MAML2: variants seen among roughly 807,000 people sequenced by gnomAD.
MAML2 encodes mastermind like transcriptional coactivator 2, also known as mastermind-like protein 2.
Under a neutral mutation model 96.1 loss-of-function variants are expected in MAML2, and 22 were observed. That is an observed-to-expected ratio of 0.23 (90% CI 0.16 to 0.33). The LOEUF (loss-of-function observed/expected upper bound fraction) is 0.33, where lower values mean the gene tolerates loss of function less well. Among genes scored for constraint, MAML2 ranks in the 10% least tolerant of loss-of-function variants. MAML2 has a pLI of 1.00. For missense variants in MAML2, 1,367 were observed against 1,392.4 expected, an observed-to-expected ratio of 0.98 and a Z score of 0.29; for synonymous variants, 561 against 521.3, an observed-to-expected ratio of 1.08 and a Z score of -1.04.
At chr11:96,310,908 T>C (rs1043174906) in intron 1 of MAML2, among the ~76,000 whole-genome samples, 2 of 152,264 alleles carry the variant, frequency 1.3e-5, no homozygotes, top group Middle Eastern at 3.2e-3. Context: ...TGTAGGTGAA[T>C]ATGTTAACCA....
At chr11:96,198,475 T>C (rs1490057096) in intron 1 of MAML2, among the ~76,000 whole-genome samples, 2 of 152,210 alleles carry the variant, frequency 1.3e-5, no homozygotes, top group African/African-American at 4.8e-5. Context: ...GTTCCTCAGA[T>C]GATATGGTCC....
chr11:96,327,226 G>C (rs78720706), intron 1 of MAML2, among the ~76,000 whole-genome samples: 3,569 of 152,186 alleles, frequency 0.023, 127 homozygotes, highest in African/African-American at 0.082. Context: ...GTTGCTGATG[G>C]GGAAATAAAG....
At chr11:96,172,004 A>T (rs547743405) in intron 1 of MAML2, among the ~76,000 whole-genome samples, 2 of 152,218 alleles carry the variant, frequency 1.3e-5, no homozygotes. Flanking sequence ...TTCCAACAAT[A>T]TTGTCCCACA....
At chr11:96,066,046 A>G (rs369157163) in intron 2 of MAML2, among the ~76,000 whole-genome samples, 30 of 152,308 alleles carry the variant, frequency 2.0e-4, no homozygotes, top group Middle Eastern at 3.4e-3. Flanking sequence ...GAAAAGTGTC[A>G]ATGACTGCTA....
intron 2 of MAML2, among the ~76,000 whole-genome samples, chr11:96,036,459 C>T (rs920815861): frequency 2.0e-5 from 3 of 152,122 alleles, no homozygotes; most frequent in Admixed American, 1.3e-4. Flanking sequence ...ATTCCTGACT[C>T]AGAGCCCCTG....
At position 95,989,961 on chromosome 11, in the gene MAML2, A is replaced by G. The variant is rs114575367; in HGVS notation, c.2343+1559T>C. ...TCATAATGCAATCTCAAACTCACCA[A>G]CAAATTCACACCCAGGCTGCACCTT... On this transcript the variant is annotated intron_variant, in intron 3 of 4. Coordinates refer to ENST00000524717, the MANE Select transcript of MAML2 (RefSeq NM_032427.4). Among the ~76,000 whole-genome samples the G allele has an allele frequency of 3.5e-3, 528 of 152,286 alleles. 6 individuals are homozygous for G. Among genetic ancestry groups the G allele is most frequent in the African/African-American group, 0.012 (500 of 41,554 alleles).
At chr11:96,249,399 C>T (rs758423685) in intron 1 of MAML2, among the ~76,000 whole-genome samples, 11 of 152,128 alleles carry the variant, frequency 7.2e-5, no homozygotes, top group East Asian at 1.9e-4. Context: ...CCAGCCCTTG[C>T]GCATGAATTC....
In MAML2 at chr11:96,092,385, A is replaced by G. The variant is rs760835884; in HGVS notation, c.1646T>C (p.Met549Thr). 1.9e-6 allele frequency: 3 copies of G among 1,613,824 alleles called. No homozygotes were observed. Among genetic ancestry groups the G allele is most frequent in the African/African-American group, 2.7e-5 (2 of 74,932 alleles). Residue 549 changes from methionine (M) to threonine (T), a missense_variant, in exon 2 of 5, where the codon ATG becomes ACG. Physicochemically the swap from Met to Thr is moderately conservative, Grantham distance 81. Coordinates refer to ENST00000524717, the MANE Select transcript of MAML2 (RefSeq NM_032427.4). The surrounding 1 kb of genome is among the most constrained non-coding windows in gnomAD (Gnocchi z 4.1). ...RSFINNPHPA[M>T]EPRQGNTKPL... ...CTTGGTGTTGCCCTGACGGGGCTCC[A>G]TGGCTGGGTGCGGGTTGTTAATAAA...
chr11:96,175,632 T>G (rs925610702), intron 1 of MAML2, among the ~76,000 whole-genome samples: 3 of 152,148 alleles, frequency 2.0e-5, no homozygotes, highest in African/African-American at 7.2e-5. Flanking sequence ...CTGTCATCAC[T>G]CAGGATGGAG....
At chr11:96,009,809 CT>C (rs1166787986) in intron 2 of MAML2, among the ~76,000 whole-genome samples, 3 of 152,142 alleles carry the variant, frequency 2.0e-5, no homozygotes, top group Non-Finnish European at 4.4e-5. Flanking sequence ...CGTTTTCCCC[CT>C]AGCCCTAGGA....
In MAML2 at chr11:96,305,958, T is replaced by C. The variant is rs74703821; in HGVS notation, c.513+35425A>G. Among the ~76,000 whole-genome samples the C allele has an allele frequency of 1.3e-3, 195 of 152,262 alleles. 1 individual carries two copies. The highest frequency in any genetic ancestry group is 4.5e-3 in the African/African-American group (187 of 41,550). On this transcript the variant is annotated intron_variant, in intron 1 of 4. Coordinates refer to ENST00000524717, the MANE Select transcript of MAML2 (RefSeq NM_032427.4). ...GTGAAATGCTCCTAGAAAATGAACA[T>C]TTAAAATGTATCATATGAAACTTTA...
chr11:96,093,304 T>A lies in MAML2; in HGVS notation c.727A>T (p.Thr243Ser), dbSNP rs751118559. ...LPMSQAPLRK[T>S]NTLPSHTHSP... is the part of the protein sequence containing the mutation. The stretch of plus-strand genomic sequence containing the variant: ...TGTGTATGGGATGGCAGAGTGTTAG[T>A]CTTTCGCAGGGGTGCTTGGCTCATA... The change falls in exon 2 of 5, where the codon ACT (threonine) becomes TCT (serine). Residue 243 changes from threonine to serine, a missense_variant. Coordinates refer to ENST00000524717, the MANE Select transcript of MAML2 (RefSeq NM_032427.4). 2 of 1,613,994 alleles carry A rather than the reference T, an allele frequency of 1.2e-6. No individual in the cohort carries two copies. The highest frequency in any genetic ancestry group is 1.7e-5 in the Admixed American group (1 of 60,016).
At chr11:96,086,870 C>A (rs1159848393) in intron 2 of MAML2, among the ~76,000 whole-genome samples, 1 of 152,138 alleles carries the variant, frequency 6.6e-6, no homozygotes, top group Non-Finnish European at 1.5e-5. Context: ...AGATCCCTCC[C>A]TACATTCGAA....
At chr11:96,016,477 C>T (rs979764823) in intron 2 of MAML2, among the ~76,000 whole-genome samples, 1 of 152,188 alleles carries the variant, frequency 6.6e-6, no homozygotes, top group Non-Finnish European at 1.5e-5. Flanking sequence ...CCCTGTCCCT[C>T]CACCATGCCT....
intron 1 of MAML2, among the ~76,000 whole-genome samples, chr11:96,277,673 G>A (rs1015832464): frequency 2.0e-5 from 3 of 150,592 alleles, no homozygotes; most frequent in East Asian, 3.9e-4. Flanking sequence ...AATCGCTTGT[G>A]GTTGCAGTGA....
intron 1 of MAML2, among the ~76,000 whole-genome samples, chr11:96,310,471 C>T (rs962030872): frequency 6.6e-6 from 1 of 152,198 alleles, no homozygotes; most frequent in Non-Finnish European, 1.5e-5. Flanking sequence ...CAAGTTACCA[C>T]ATTGCTGCAT....
Position 96,243,417 on chromosome 11 carries a change from G to A in MAML2, c.513+97966C>T, listed in dbSNP as rs1299439737. 4.6e-5 allele frequency among the ~76,000 whole-genome samples: 7 copies of A among 152,160 alleles called. No homozygotes were observed. The East Asian group carries it at 1.3e-3, about 29-fold the overall frequency. On this transcript the variant is annotated intron_variant, in intron 1 of 4. Coordinates refer to ENST00000524717, the MANE Select transcript of MAML2 (RefSeq NM_032427.4). ...GCCAGCTCTGAACAGACAGAAATCG[G>A]GTGGAAAGCTAGCAGGAGGCGTTGC...
At chr11:96,074,877 G>A (rs542553441) in intron 2 of MAML2, among the ~76,000 whole-genome samples, 1 of 152,274 alleles carries the variant, frequency 6.6e-6, no homozygotes, top group South Asian at 2.1e-4. Context: ...ACCCAGAGTG[G>A]TCAATAAATA....
At chr11:96,335,992 A>G (rs1294799020) in intron 1 of MAML2, among the ~76,000 whole-genome samples, 1 of 152,136 alleles carries the variant, frequency 6.6e-6, no homozygotes, top group African/African-American at 2.4e-5. Flanking sequence ...CTCTACTACC[A>G]ACTACTAGTG....
Sources: allele counts gnomAD v4.1 joint callset (sites outside exome capture counted in the v4.1 genomes callset), GRCh38; gene constraint gnomAD v4.1.1; non-coding constraint Gnocchi (gnomAD v3.1); transcripts MANE v1.5; gene names NCBI Gene and HGNC (gene_info 2026-07-23, HGNC 2026-07-21).